Variants in TUSC3 observed in about 807,000 individuals in gnomAD.
The protein encoded by TUSC3 is dolichyl-diphosphooligosaccharide--protein glycosyltransferase subunit TUSC3.
In TUSC3, 45 loss-of-function variants were observed where a neutral mutation model predicts 44.8. The ratio of observed to expected loss-of-function variants is 1.00; its 90% CI spans 0.79 to 1.29. TUSC3 has a LOEUF of 1.29. Ranked by LOEUF, TUSC3 falls within the 50% of genes most tolerant of loss-of-function variation. The pLI is 0.00. For missense variants in TUSC3, 519 were observed against 437.9 expected, an observed-to-expected ratio of 1.19 and a Z score of -1.65; for synonymous variants, 212 against 152.9, an observed-to-expected ratio of 1.39 and a Z score of -2.85.
chr8:15,638,510 T>G (rs1806197872), intron 2 of TUSC3, among the ~76,000 whole-genome samples: 1 of 129,620 alleles, frequency 7.7e-6, no homozygotes, highest in African/African-American at 2.9e-5. Context: ...TTTTTTTCTT[T>G]TTTTCTTTTT....
chr8:15,539,345 C>CTTTTTTTTT (rs35685582), upstream of TUSC3, among the ~76,000 whole-genome samples: 59 of 69,404 alleles, frequency 8.5e-4, 5 homozygotes, highest in East Asian at 1.5e-3. Context: ...TGCTATGGTT[C>CTTTTTTTTT]TTTTTTTTTT....
intron 2 of TUSC3, among the ~76,000 whole-genome samples, chr8:15,488,838 G>A (rs1800769033): frequency 1.3e-5 from 2 of 152,270 alleles, no homozygotes; most frequent in African/African-American, 2.4e-5. Context: ...AGAAATAAAT[G>A]TTAGTTGCAT....
the TUSC3 span, among the ~76,000 whole-genome samples, chr8:15,795,286 G>A: frequency 1.3e-5 from 2 of 152,264 alleles, no homozygotes; most frequent in Admixed American, 1.3e-4. Context: ...TGGCTTGCAA[G>A]CAGAAAATGT....
chr8:15,739,357 C>T (rs1041284495), intron 7 of TUSC3, among the ~76,000 whole-genome samples: 1 of 152,024 alleles, frequency 6.6e-6, no homozygotes, highest in Non-Finnish European at 1.5e-5. Flanking sequence ...GAGCATACTT[C>T]TGGCACATAT....
rs1217484237 is a variant in TUSC3 at position 15,428,406 on chromosome 8, T to G, written n.91+11101T>G. On this transcript the variant is annotated intron_variant and non_coding_transcript_variant, in intron 1 of 5. Coordinates refer to the TUSC3 transcript ENST00000503191. ...TGGGTTGGTTCCAAGTCTTTGCTAT[T>G]GTGAATAGTGCCGCAATAAACATAC... 3.9e-5 allele frequency among the ~76,000 whole-genome samples: 6 copies of G among 151,994 alleles called. No individual in the cohort carries two copies. The South Asian group carries it at 6.2e-4, about 16-fold the overall frequency.
At chr8:15,803,279 G>A in the TUSC3 span, among the ~76,000 whole-genome samples, 1 of 152,054 alleles carries the variant, frequency 6.6e-6, no homozygotes, top group African/African-American at 2.4e-5. Context: ...AAAAATTAAA[G>A]CCTAATATTG....
intron 1 of TUSC3, among the ~76,000 whole-genome samples, chr8:15,555,136 AGT>A (rs1802202326): frequency 2.6e-5 from 3 of 114,542 alleles, no homozygotes; most frequent in African/African-American, 1.0e-4. Context: ...TTATAATAGC[AGT>A]CTTTTTTTTT....
chr8:15,560,475 A>G (rs576604846), intron 1 of TUSC3, among the ~76,000 whole-genome samples: 17 of 150,358 alleles, frequency 1.1e-4, no homozygotes, highest in Admixed American at 1.1e-3. Flanking sequence ...TCTGACCATT[A>G]TGTGTCTTGG....
the TUSC3 span, among the ~76,000 whole-genome samples, chr8:15,813,103 C>T: frequency 4.0e-5 from 6 of 150,748 alleles, no homozygotes; most frequent in Non-Finnish European, 7.4e-5. Context: ...CAAAAAAAGA[C>T]AAAAAAAATA....
At chr8:15,813,856 A>G in the TUSC3 span, among the ~76,000 whole-genome samples, 1 of 152,112 alleles carries the variant, frequency 6.6e-6, no homozygotes, top group African/African-American at 2.4e-5. Flanking sequence ...AGTGGGATGA[A>G]GTGGTGAAGA....
intron 6 of TUSC3, 143 bp downstream of exon 6, chr8:15,673,979 C>T: frequency 5.9e-6 from 4 of 681,818 alleles, no homozygotes; most frequent in Non-Finnish European, 1.0e-5. Flanking sequence ...ACCTGTGTCA[C>T]CTATATACAC....
chr8:15,809,379 C>T, the TUSC3 span, among the ~76,000 whole-genome samples: 3 of 152,106 alleles, frequency 2.0e-5, no homozygotes, highest in Non-Finnish European at 2.9e-5. Flanking sequence ...CTATAATTAT[C>T]CTTGCCTATC....
intron 1 of TUSC3, among the ~76,000 whole-genome samples, chr8:15,423,636 T>C (rs924601268): frequency 5.9e-5 from 9 of 152,336 alleles, no homozygotes; most frequent in Middle Eastern, 3.4e-3. Flanking sequence ...AAATACCTGC[T>C]CACCATTACT....
At chr8:15,497,296 A>G (rs1800895659) in intron 2 of TUSC3, among the ~76,000 whole-genome samples, 1 of 152,166 alleles carries the variant, frequency 6.6e-6, no homozygotes, top group Admixed American at 6.5e-5. Flanking sequence ...GGGCCCAGTG[A>G]TGTGTAGAAA....
At chr8:15,540,235 C>T (rs995886784), upstream of TUSC3, 3 of 774,020 alleles carry the variant, frequency 3.9e-6, no homozygotes, top group South Asian at 3.0e-5. Flanking sequence ...CTTTCCAGGT[C>T]TTCTCCCGGT....
chr8:15,632,376 T>C (rs1805813287), intron 2 of TUSC3, among the ~76,000 whole-genome samples: 1 of 152,224 alleles, frequency 6.6e-6, no homozygotes, highest in Non-Finnish European at 1.5e-5. Context: ...TAGCAGTTAG[T>C]TGGAATACTT....
At chr8:15,748,743 AT>A (rs779554481) in intron 9 of TUSC3, 7 of 584,228 alleles carry the variant, frequency 1.2e-5, no homozygotes, top group South Asian at 9.8e-5. Flanking sequence ...GGACTTGAAA[AT>A]TTTTATCTTC....
At chr8:15,782,688 C>T in the TUSC3 span, among the ~76,000 whole-genome samples, 1 of 152,216 alleles carries the variant, frequency 6.6e-6, no homozygotes, top group East Asian at 1.9e-4. Flanking sequence ...ATTCAACATC[C>T]TGTCATGATA....
intron 1 of TUSC3, among the ~76,000 whole-genome samples, chr8:15,595,327 T>A (rs975988302): frequency 2.5e-4 from 38 of 152,146 alleles, no homozygotes; most frequent in African/African-American, 8.9e-4. Flanking sequence ...ATCTTTCCTC[T>A]TTAGTACTCT....
Sources: gnomAD v4.1 joint callset for allele counts (sites outside exome capture counted in the v4.1 genomes callset) on GRCh38, gnomAD v4.1.1 for gene constraint, MANE v1.5 for transcripts, NCBI Gene and HGNC (gene_info 2026-07-23, HGNC 2026-07-21) for gene names.